PHIP: variants seen among roughly 807,000 people sequenced by gnomAD.
The protein encoded by PHIP is PHIP subunit of CUL4-Ring ligase complex, also known as PH-interacting protein.
PHIP carries 54 observed loss-of-function variants against 236.8 expected under a neutral mutation model. That is an observed-to-expected ratio of 0.23 (90% CI 0.18 to 0.29). The LOEUF is 0.29. PHIP is among the 10% of genes least tolerant of loss of function. The pLI is 1.00. For missense variants in PHIP, 1,370 were observed against 2,190.8 expected (o/e 0.63, Z 7.48); for synonymous variants, 756 against 718.9 (o/e 1.05, Z -0.83).
chr6:78,999,787 G>A (rs1255340369), intron 17 of PHIP, among the ~76,000 whole-genome samples: 1 of 151,924 alleles, frequency 6.6e-6, no homozygotes, highest in Non-Finnish European at 1.5e-5. Context: ...TGTATTACAT[G>A]CATAATTTCA....
In PHIP at chr6:78,938,309, T is replaced by G. The variant is rs1199233608; in HGVS notation, c.*2384A>C. ...AGAACAGGAATAATACATTTACATG[T>G]TATAGGAAAGATGGTAAATACTCAT... On this transcript the variant is annotated 3_prime_UTR_variant, in exon 40 of 40. Coordinates refer to ENST00000275034, the MANE Select transcript of PHIP (RefSeq NM_017934.7). The G allele has an allele frequency of 2.0e-5, 3 of 151,744 alleles. No individual in the cohort carries two copies. In the East Asian group the frequency reaches 5.8e-4, roughly 29 times the overall value. The allele number at this position is 151,744 out of a possible 1,614,324, so 9.4% of individuals were successfully genotyped here.
At chr6:79,034,961 T>C (rs1485430766) in intron 7 of PHIP, among the ~76,000 whole-genome samples, 2 of 152,150 alleles carry the variant, frequency 1.3e-5, no homozygotes, top group African/African-American at 4.8e-5. Context: ...CTCCCTCTAC[T>C]TATGAGATAG....
intron 24 of PHIP, among the ~76,000 whole-genome samples, chr6:78,971,747 T>A (rs1767576531): frequency 6.6e-6 from 1 of 152,176 alleles, no homozygotes; most frequent in East Asian, 1.9e-4. Context: ...TTCCCTTTCC[T>A]AATCAAAGAA....
At chr6:79,062,591 C>T (rs1204021948) in intron 4 of PHIP, among the ~76,000 whole-genome samples, 1 of 152,048 alleles carries the variant, frequency 6.6e-6, no homozygotes, top group African/African-American at 2.4e-5. Flanking sequence ...TTTTAGTATC[C>T]TCTGGCAAAA....
Position 78,965,638 on chromosome 6 carries a change from T to C in PHIP, c.3379+65A>G, listed in dbSNP as rs1321798004. 4 of 904,044 alleles carry C rather than the reference T, an allele frequency of 4.4e-6. No individual in the cohort carries two copies. The Admixed American group carries it at 8.8e-5, about 20-fold the overall frequency. 56.0% of individuals were successfully genotyped at this position (904,044 alleles called of 1,614,324 possible). ...CTGTAAGTGGTAGCATGTTAGCAAA[T>C]CTTAAATAATTTCTTAAGAAATTAA... On this transcript the variant is annotated intron_variant, in intron 29 of 39. Coordinates refer to ENST00000275034, the MANE Select transcript of PHIP (RefSeq NM_017934.7).
chr6:79,065,803 CACAGAAT>C, intron 4 of PHIP, among the ~76,000 whole-genome samples: 1 of 142,830 alleles, frequency 7.0e-6, no homozygotes, highest in East Asian at 2.1e-4. Context: ...CACACACACA[CACAGAAT>C]AAACAAAAAT....
intron 6 of PHIP, among the ~76,000 whole-genome samples, chr6:79,059,089 TACCCACC>T (rs2127771089): frequency 6.6e-6 from 1 of 152,194 alleles, no homozygotes; most frequent in South Asian, 2.1e-4. Context: ...CATAGATGAT[TACCCACC>T]ACGCAGATAT....
intron 4 of PHIP, among the ~76,000 whole-genome samples, chr6:79,071,512 T>C (rs1160648493): frequency 6.6e-6 from 1 of 152,206 alleles, no homozygotes; most frequent in African/African-American, 2.4e-5. Context: ...ATTTTAAATT[T>C]GATTCCTATA....
At chr6:79,024,683 T>A (rs113949775) in intron 9 of PHIP, among the ~76,000 whole-genome samples, 59 of 152,228 alleles carry the variant, frequency 3.9e-4, no homozygotes, top group African/African-American at 1.4e-3. Flanking sequence ...CGGGCGCCTG[T>A]AGTCCCAGCT....
At chr6:79,014,263 A>G (rs1770732796) in intron 15 of PHIP, among the ~76,000 whole-genome samples, 1 of 151,758 alleles carries the variant, frequency 6.6e-6, no homozygotes, top group South Asian at 2.1e-4. Context: ...CTGTTTTGTG[A>G]AATAATTTAT....
At chr6:79,041,444 T>C (rs1772207935) in intron 7 of PHIP, among the ~76,000 whole-genome samples, 2 of 152,142 alleles carry the variant, frequency 1.3e-5, no homozygotes, top group Admixed American at 1.3e-4. Context: ...ATCCCTATCA[T>C]TTTTAAAGAA....
At chr6:79,005,640 A>G (rs752929130) in intron 15 of PHIP, among the ~76,000 whole-genome samples, 6 of 152,078 alleles carry the variant, frequency 3.9e-5, no homozygotes, top group Non-Finnish European at 7.4e-5. Context: ...CAACTACTTT[A>G]TAAATCTACT....
Position 78,978,660 on chromosome 6 carries a change from A to T in PHIP, c.2821T>A (p.Leu941Met). 2 of 1,597,442 alleles carry T rather than the reference A, an allele frequency of 1.3e-6. No homozygotes were observed. The highest frequency in any genetic ancestry group is 1.7e-6 in the Non-Finnish European group (2 of 1,168,306). ...TENGLTLEEW[L>M]PSTWITDTIP... The stretch of plus-strand genomic sequence containing the variant: ...GTATCTGTAATCCATGTTGATGGCA[A>T]CCATTCTTCTAATGTCAAACCATTT... The change falls in exon 24 of 40, where the codon TTG becomes ATG. Residue 941 changes from leucine to methionine, a missense_variant. Coordinates refer to ENST00000275034, the MANE Select transcript of PHIP (RefSeq NM_017934.7).
At chr6:79,024,891 AT>A (rs1386846869) in intron 9 of PHIP, among the ~76,000 whole-genome samples, 1 of 152,212 alleles carries the variant, frequency 6.6e-6, no homozygotes, top group Non-Finnish European at 1.5e-5. Context: ...GGCCTTGCCA[AT>A]TTTTAAACAT....
rs139120767 is a variant in PHIP at position 78,943,490 on chromosome 6, C to T, written c.4828+1810G>A. On this transcript the variant is annotated intron_variant, in intron 39 of 39. Transcript: ENST00000275034. ...CTCTAAATTCAGTTCAGAAAGGGGG[C>T]AGATTATTAAAAATGTGAAACACTC... Among the ~76,000 whole-genome samples the T allele has an allele frequency of 6.4e-4, 97 of 152,202 alleles. 1 individual carries two copies. The South Asian group carries it at 8.1e-3, about 13-fold the overall frequency.
At chr6:78,976,010 A>G (rs1206227985) in intron 24 of PHIP, among the ~76,000 whole-genome samples, 1 of 151,942 alleles carries the variant, frequency 6.6e-6, no homozygotes, top group Non-Finnish European at 1.5e-5. Context: ...TCTTCACAGA[A>G]TTGGAAAAAA....
At chr6:78,941,605 A>G (rs1773505811) in intron 39 of PHIP, among the ~76,000 whole-genome samples, 1 of 152,204 alleles carries the variant, frequency 6.6e-6, no homozygotes. Flanking sequence ...TTGAGTATAA[A>G]GCTGGGATGA....
chr6:78,938,028 A>AG lies in PHIP; in HGVS notation c.*2664dup, dbSNP rs1773338758. The stretch of plus-strand genomic sequence containing the variant: ...TCTGGCCTATTAACAGTACATACAT[A>AG]GTGTTACTGCCTCAAAGAGGATTAT... On this transcript the variant is annotated 3_prime_UTR_variant, in exon 40 of 40. Transcript: ENST00000275034. 1.3e-5 allele frequency: 2 copies of AG among 151,776 alleles called. No homozygotes were observed. The highest frequency in any genetic ancestry group is 3.0e-5 in the Non-Finnish European group (2 of 67,666). 9.4% of individuals were successfully genotyped at this position (151,776 alleles called of 1,614,324 possible). A position where few individuals can be genotyped will look rare whatever the true frequency, so the allele number is the denominator to read the frequency against.
chr6:78,945,613 A>G, intron 38 of PHIP, 116 bp from the exon 39 acceptor site: 1 of 689,244 alleles, frequency 1.5e-6, no homozygotes, highest in South Asian at 1.9e-5. Flanking sequence ...GGATGCTTAA[A>G]GCTTTCTTAG....
Sources: gnomAD v4.1 joint callset for allele counts (sites outside exome capture counted in the v4.1 genomes callset) on GRCh38, gnomAD v4.1.1 for gene constraint, MANE v1.5 for transcripts, NCBI Gene and HGNC (gene_info 2026-07-23, HGNC 2026-07-21) for gene names.